Variants in ECPAS observed in about 807,000 individuals in gnomAD.
ECPAS encodes the protein proteasome adapter and scaffold protein ECM29.
A neutral mutation model predicts 255.1 loss-of-function variants in ECPAS; 70 were observed. That is an observed-to-expected ratio of 0.27 (90% confidence interval 0.23 to 0.33). The LOEUF is 0.33. ECPAS is among the 10% of genes least tolerant of loss of function. The probability of loss-of-function intolerance (pLI) is 1.00; values close to 1 mark genes in which losing one functional copy is unlikely to be tolerated. For missense variants in ECPAS, 1,817 were observed against 2,206.4 expected, an observed-to-expected ratio of 0.82 and a Z score of 3.54; for synonymous variants, 784 against 775.0, an observed-to-expected ratio of 1.01 and a Z score of -0.19.
At chr9:111,430,817 C>T (rs770686645) in intron 8 of ECPAS, among the ~76,000 whole-genome samples, 189 bp from the exon 9 acceptor site, 3 of 152,182 alleles carry the variant, frequency 2.0e-5, no homozygotes, top group Non-Finnish European at 2.9e-5. Context: ...TGTTTTTAAA[C>T]CAAAACAAAT....
intron 1 of ECPAS, among the ~76,000 whole-genome samples, chr9:111,475,745 A>G (rs2098295402): frequency 6.6e-6 from 1 of 152,242 alleles, no homozygotes; most frequent in East Asian, 1.9e-4. Flanking sequence ...TCAAAAAAAA[A>G]AAAAACCCAG....
chr9:111,403,425 C>A lies in ECPAS; in HGVS notation c.2652+5146G>T, dbSNP rs186626221. ...TGAAGGTAAAGGTATGAAAAAGATA[C>A]TTCCATGCAAATGAAAACCAAAAAA... On this transcript the variant is annotated intron_variant, in intron 24 of 49. Coordinates refer to ENST00000684092, the MANE Select transcript of ECPAS (RefSeq NM_001364929.1). 5.4e-3 allele frequency among the ~76,000 whole-genome samples: 740 copies of A among 135,878 alleles called. 20 individuals carry two copies. Among genetic ancestry groups the A allele is most frequent in the Non-Finnish European group, 7.6e-3 (504 of 66,310 alleles). 89.1% of individuals were successfully genotyped at this position (135,878 alleles called of 152,430 possible).
Position 111,453,332 on chromosome 9 carries a change from G to C in ECPAS, c.23-1777C>G, listed in dbSNP as rs1216336894. Reference sequence around the variant, plus strand: ...CGTCATTGCCCAAGCAATGACGATAGAAGGAACAAAATAAATAACAGCATT... The same window carrying C: ...CGTCATTGCCCAAGCAATGACGATACAAGGAACAAAATAAATAACAGCATT... On this transcript the variant is annotated intron_variant, in intron 2 of 49. Coordinates refer to ENST00000684092, the MANE Select transcript of ECPAS (RefSeq NM_001364929.1). 2.6e-5 allele frequency among the ~76,000 whole-genome samples: 4 copies of C among 152,272 alleles called. No homozygotes were observed. The East Asian group carries it at 7.7e-4, about 29-fold the overall frequency.
intron 24 of ECPAS, among the ~76,000 whole-genome samples, chr9:111,401,248 G>A (rs570116645): frequency 7.9e-5 from 12 of 152,138 alleles, no homozygotes; most frequent in Non-Finnish European, 1.6e-4. Flanking sequence ...CCTAAGTGTC[G>A]GTTGGTCTGA....
intron 46 of ECPAS, among the ~76,000 whole-genome samples, chr9:111,368,714 G>C (rs572191903): frequency 6.6e-6 from 1 of 152,188 alleles, no homozygotes; most frequent in Non-Finnish European, 1.5e-5. Flanking sequence ...AAGCCAAGGA[G>C]AGAGGTCTCA....
intron 9 of ECPAS, among the ~76,000 whole-genome samples, chr9:111,428,910 T>G (rs1204263170): frequency 6.6e-6 from 1 of 152,220 alleles, no homozygotes; most frequent in Non-Finnish European, 1.5e-5. Flanking sequence ...ACTGGCTCAC[T>G]GAGTTAAGCA....
At chr9:111,472,827 G>C in intron 2 of ECPAS, 70 bp downstream of exon 2, 1 of 374,164 alleles carries the variant, frequency 2.7e-6, no homozygotes. Context: ...ATTGCTACCT[G>C]ATAACCTATG....
In ECPAS at chr9:111,417,924, T is replaced by A; in HGVS notation, c.1642A>T (p.Met548Leu). The change falls in exon 17 of 50, where the codon ATG becomes TTG. Residue 548 changes from methionine to leucine, a missense_variant. Met to Leu is a conservative substitution (Grantham distance 15). Coordinates refer to ENST00000684092, the MANE Select transcript of ECPAS (RefSeq NM_001364929.1). ...TAAACCATTTCTGGGAAGGAAGGCATCTGCTCAGAAGTACTTTCTTTTCTG... is the reference window on the plus strand; with the variant it reads ...TAAACCATTTCTGGGAAGGAAGGCAACTGCTCAGAAGTACTTTCTTTTCTG... ...RNRKESTSEQMPSFPEMVYYI... is the reference protein window; with the variant it reads ...RNRKESTSEQLPSFPEMVYYI... The A allele has an allele frequency of 6.3e-7, 1 of 1,590,322 alleles. No individual in the cohort carries two copies. The highest frequency in any genetic ancestry group is 1.1e-5 in the South Asian group (1 of 87,182).
At chr9:111,398,874 T>C (rs1235260287) in intron 24 of ECPAS, among the ~76,000 whole-genome samples, 5 of 150,498 alleles carry the variant, frequency 3.3e-5, no homozygotes, top group African/African-American at 7.3e-5. Flanking sequence ...GAGGTGGAGG[T>C]TGCAGTGAGC....
At chr9:111,368,931 G>C (rs2098123987) in intron 46 of ECPAS, 104 bp downstream of exon 46, 1 of 1,133,500 alleles carries the variant, frequency 8.8e-7, no homozygotes, top group African/African-American at 1.6e-5. Flanking sequence ...TAATCAATCA[G>C]GCTCGATAAG....
intron 24 of ECPAS, among the ~76,000 whole-genome samples, chr9:111,403,386 A>G (rs906647205): frequency 1.3e-5 from 2 of 150,310 alleles, no homozygotes; most frequent in Admixed American, 6.6e-5. Context: ...TCACCTATAA[A>G]GACACAAATA....
intron 1 of ECPAS, among the ~76,000 whole-genome samples, chr9:111,480,319 A>G (rs2098302835): frequency 2.7e-5 from 3 of 109,476 alleles, no homozygotes; most frequent in South Asian, 5.5e-4. Flanking sequence ...TTTTTTTGAG[A>G]CAGAGTCTAG....
chr9:111,468,249 A>G (rs1475812298), intron 2 of ECPAS, among the ~76,000 whole-genome samples: 1 of 152,168 alleles, frequency 6.6e-6, no homozygotes, highest in Non-Finnish European at 1.5e-5. Flanking sequence ...AAGAACTTCT[A>G]GTAAAGCAAG....
rs142613146 is a variant in ECPAS, at chr9:111,473,664, T to A, written c.-82-664A>T. Among the ~76,000 whole-genome samples, 1,505 of 152,214 alleles carry A rather than the reference T, an allele frequency of 9.9e-3. 24 individuals carry two copies. Among genetic ancestry groups the A allele is most frequent in the African/African-American group, 0.034 (1,405 of 41,546 alleles). ...CCATGTGCCAAGATGTGCTATCTCT[T>A]CCCATTCTTAAAACAATCCTGGCCA... is the stretch of plus-strand genomic sequence containing the variant. On this transcript the variant is annotated intron_variant, in intron 1 of 49. Transcript: ENST00000684092.
rs368978099 is a variant in ECPAS at position 111,362,064 on chromosome 9, G to A, written c.5486C>T (p.Ala1829Val). The change falls in exon 50 of 50, where the codon GCG (alanine) becomes GTG (valine). Residue 1829 changes from alanine (A) to valine (V), a missense_variant. Around this residue, in one of 4 missense-constraint regions of ECPAS, gnomAD observed 960 missense variants for 1,179.0 expected, o/e 0.81. Transcript: ENST00000684092. ...DSRPELQEKA[A>V]LLKKTLENLE Reference sequence around the variant, plus strand: ...ATTTTCAAGTGTTTTCTTCAGTAACGCTGCTTTCTCCTGCAGTTCAGGTCT... The same window carrying A: ...ATTTTCAAGTGTTTTCTTCAGTAACACTGCTTTCTCCTGCAGTTCAGGTCT... 3.8e-5 allele frequency: 61 copies of A among 1,610,434 alleles called. 1 individual carries two copies. The African/African-American group carries it at 5.1e-4, about 13-fold the overall frequency.
At chr9:111,432,296 T>C (rs2098231168) in intron 8 of ECPAS, among the ~76,000 whole-genome samples, 1 of 152,204 alleles carries the variant, frequency 6.6e-6, no homozygotes, top group African/African-American at 2.4e-5. Flanking sequence ...TTTCAATTTA[T>C]AATGCCAATC....
At chr9:111,438,616 A>C (rs1014292438) in intron 6 of ECPAS, among the ~76,000 whole-genome samples, 6 of 152,210 alleles carry the variant, frequency 3.9e-5, no homozygotes, top group Admixed American at 1.3e-4. Flanking sequence ...ACATCATCCT[A>C]AACACAAGAC....
chr9:111,398,429 C>T (rs1589144612), intron 24 of ECPAS, among the ~76,000 whole-genome samples: 1 of 152,200 alleles, frequency 6.6e-6, no homozygotes, highest in East Asian at 1.9e-4. Context: ...GAATAATATA[C>T]TATCTGGACA....
At chr9:111,421,256 T>C (rs1252112900) in intron 15 of ECPAS, among the ~76,000 whole-genome samples, 1 of 152,192 alleles carries the variant, frequency 6.6e-6, no homozygotes, top group Non-Finnish European at 1.5e-5. Context: ...CCTCAAAATA[T>C]TAAATCATGT....
Sources: allele counts gnomAD v4.1 joint callset (sites outside exome capture counted in the v4.1 genomes callset), GRCh38; gene constraint gnomAD v4.1.1; regional missense constraint gnomAD v4.1.1; transcripts MANE v1.5; gene names NCBI Gene and HGNC (gene_info 2026-07-23, HGNC 2026-07-21).